The following MRPS15 variants were observed in gnomAD, a reference collection of about 807,000 sequenced individuals.
MRPS15 encodes mitochondrial ribosomal protein S15.
In MRPS15, 25 loss-of-function variants were observed where a neutral mutation model predicts 30.7. The observed-to-expected ratio is 0.81, with a 90% CI of 0.59 to 1.14. MRPS15 has a LOEUF of 1.14. MRPS15 is among the 50% of genes most tolerant of loss of function. MRPS15 has a pLI of 0.00. For missense variants in MRPS15, 313 were observed against 321.7 expected, an observed-to-expected ratio of 0.97 and a Z score of 0.21; for synonymous variants, 124 against 120.1, an observed-to-expected ratio of 1.03 and a Z score of -0.21.
chr1:36,457,903 G>A lies in MRPS15; in HGVS notation c.444+20C>T. ...CCCCAGGCTGCTGCTGTTTAACTGTGAATGACGTCCAGAGTTTACCTTTCG... is the reference window on the plus strand; with the variant it reads ...CCCCAGGCTGCTGCTGTTTAACTGTAAATGACGTCCAGAGTTTACCTTTCG... On this transcript the variant is annotated intron_variant, in intron 6 of 7. Transcript: ENST00000373116. The A allele has an allele frequency of 6.2e-7, 1 of 1,613,110 alleles. No individual in the cohort carries two copies. The highest frequency in any genetic ancestry group is 2.2e-5 in the East Asian group (1 of 44,876).
intron 2 of MRPS15, among the ~76,000 whole-genome samples, chr1:36,463,177 G>A (rs1340817748): frequency 2.0e-5 from 3 of 152,196 alleles, no homozygotes; most frequent in Non-Finnish European, 4.4e-5. Context: ...ATGTTGGCCA[G>A]GCTGGTCTCG....
At position 36,464,244 on chromosome 1, in the gene MRPS15, A is replaced by C. The variant is rs771240458; in HGVS notation, c.32T>G (p.Leu11Trp). MLRVAWRTLS[L>W]IRTRAVTQVL... ...CTGGGTAACTGCCCGGGTCCGAATC[A>C]AACTCAGCGTCCTCCACGCGACCCT... The change falls in exon 1 of 8, where the codon TTG becomes TGG. Residue 11 changes from leucine to tryptophan, a missense_variant. Leu to Trp is a moderately conservative substitution (Grantham distance 61). Transcript: ENST00000373116. 3 of 1,613,930 alleles carry C rather than the reference A, an allele frequency of 1.9e-6. No homozygotes were observed. Among genetic ancestry groups the C allele is most frequent in the Non-Finnish European group, 2.5e-6 (3 of 1,179,930 alleles).
At chr1:36,456,530 C>G (rs762163687) in intron 6 of MRPS15, 152 bp from the exon 7 acceptor site, 7 of 744,330 alleles carry the variant, frequency 9.4e-6, no homozygotes, top group Non-Finnish European at 1.4e-5. Flanking sequence ...CATTGTTATT[C>G]CCATTTTACA....
Position 36,464,177 on chromosome 1 carries a change from A to C in MRPS15, c.99T>G (p.Phe33Leu). Residue 33 changes from phenylalanine to leucine, a missense_variant, in exon 1 of 8, where the codon TTT becomes TTG. Physicochemically the swap from Phe to Leu is conservative, Grantham distance 22 (BLOSUM62 0). Transcript: ENST00000373116. ...PGLPGGGSAK[F>L]PFNQWGLQPR... Reference sequence around the variant, plus strand: ...GCTGCAGGCCCCACTGGTTGAAAGGAAACTTGGCGCTCCCACCGCCCGGCA... The same window carrying C: ...GCTGCAGGCCCCACTGGTTGAAAGGCAACTTGGCGCTCCCACCGCCCGGCA... The C allele has an allele frequency of 6.2e-7, 1 of 1,613,910 alleles. No individual in the cohort carries two copies. The highest frequency in any genetic ancestry group is 8.5e-7 in the Non-Finnish European group (1 of 1,179,974).
At position 36,456,184 on chromosome 1, in the gene MRPS15, T is replaced by A. The variant is rs376900770; in HGVS notation, c.636+3A>T. 6.1e-5 allele frequency: 98 copies of A among 1,601,714 alleles called. No individual in the cohort carries two copies. Among genetic ancestry groups the A allele is most frequent in the Non-Finnish European group, 7.2e-5 (84 of 1,172,944 alleles). On this transcript the variant is annotated splice_donor_region_variant and intron_variant, in intron 7 of 7. Transcript: ENST00000373116. The stretch of plus-strand genomic sequence containing the variant: ...CAAGCAAAGCCGCAATTCTGACTCG[T>A]ACCCGAATGCACAGAGCCTTCTTGG...
chr1:36,457,916 A>G lies in MRPS15; in HGVS notation c.444+7T>C. 1 of 1,613,952 alleles carries G rather than the reference A, an allele frequency of 6.2e-7. No individual in the cohort carries two copies. Among genetic ancestry groups the G allele is most frequent in the Non-Finnish European group, 8.5e-7 (1 of 1,179,846 alleles). On this transcript the variant is annotated splice_region_variant and intron_variant, in intron 6 of 7. Transcript: ENST00000373116. ...CTGTTTAACTGTGAATGACGTCCAGAGTTTACCTTTCGATGTTTCTCCAAG... is the reference window on the plus strand; with the variant it reads ...CTGTTTAACTGTGAATGACGTCCAGGGTTTACCTTTCGATGTTTCTCCAAG...
chr1:36,457,772 T>C (rs1650021727), intron 6 of MRPS15, 151 bp downstream of exon 6: 2 of 688,022 alleles, frequency 2.9e-6, no homozygotes, highest in African/African-American at 1.8e-5. Context: ...ACACTCAGCA[T>C]GGCCTTGTAA....
rs1268035374 is a variant in MRPS15 at position 36,457,286 on chromosome 1, A to AT, written c.444+636_444+637insA. On this transcript the variant is annotated intron_variant, in intron 6 of 7. Transcript: ENST00000373116. Reference sequence around the variant, plus strand: ...GCAAGGCTCCATCTCAAAAAAAAAAAAAAAATATATATATATATGGGTCTT... The same window carrying AT: ...GCAAGGCTCCATCTCAAAAAAAAAAATAAAAATATATATATATATGGGTCTT... 1.5e-3 allele frequency among the ~76,000 whole-genome samples: 219 copies of AT among 150,574 alleles called. 1 individual carries two copies. The highest frequency in any genetic ancestry group is 1.9e-3 in the Non-Finnish European group (128 of 67,640).
chr1:36,463,972 C>T (rs1231902290), intron 1 of MRPS15, 122 bp from the exon 2 acceptor site: 2 of 1,498,774 alleles, frequency 1.3e-6, no homozygotes, highest in Non-Finnish European at 1.8e-6. Context: ...AACCGCTGCC[C>T]CATTTCTTCC....
intron 5 of MRPS15, chr1:36,459,329 G>C (rs1570569376): frequency 6.7e-6 from 1 of 149,644 alleles, no homozygotes; most frequent in East Asian, 2.0e-4. Flanking sequence ...CAGAAGTTGC[G>C]CTGTAGTGAG....
chr1:36,463,721 T>TA, intron 2 of MRPS15, 85 bp downstream of exon 2: 1 of 1,497,878 alleles, frequency 6.7e-7, no homozygotes, highest in East Asian at 2.3e-5. Context: ...CTAGTGGCTC[T>TA]AATTCGCCAC....
chr1:36,463,769 T>C, intron 2 of MRPS15, 37 bp downstream of exon 2: 1 of 1,597,162 alleles, frequency 6.3e-7, no homozygotes, highest in Non-Finnish European at 8.5e-7. Flanking sequence ...CCAGGAGGTC[T>C]CTCTTCCGCC....
At chr1:36,460,664 C>A in intron 5 of MRPS15, 28 bp downstream of exon 5, 1 of 1,581,696 alleles carries the variant, frequency 6.3e-7, no homozygotes, top group East Asian at 2.2e-5. Context: ...TTCCCTACAC[C>A]CCCACTCCCC....
intron 2 of MRPS15, among the ~76,000 whole-genome samples, chr1:36,462,916 C>T (rs534019057): frequency 3.9e-5 from 6 of 152,294 alleles, no homozygotes; most frequent in Non-Finnish European, 7.4e-5. Flanking sequence ...AAGTGATCCT[C>T]CAGCCTTGGC....
chr1:36,461,298 A>T lies in MRPS15; in HGVS notation c.266T>A (p.Val89Glu), dbSNP rs1255433001. ...CATTTCCAAAGACAAGAGTCTTTTC[A>T]CGACATCATCAACCCTGTGGATAAA... ...VPGIEKVDDVVKRLLSLEMAN... is the reference protein window; with the variant it reads ...VPGIEKVDDVEKRLLSLEMAN... The change falls in exon 4 of 8, where the codon GTG becomes GAG. Residue 89 changes from valine (V) to glutamate (E), a missense_variant. Val to Glu is a moderately radical substitution (Grantham distance 121). Transcript: ENST00000373116. 11 of 1,614,116 alleles carry T rather than the reference A, an allele frequency of 6.8e-6. No individual in the cohort carries two copies. The highest frequency in any genetic ancestry group is 9.3e-6 in the Non-Finnish European group (11 of 1,180,052).
chr1:36,455,847 G>A lies in MRPS15; in HGVS notation c.715C>T (p.Arg239Trp), dbSNP rs879056266. The A allele has an allele frequency of 8.1e-6, 13 of 1,614,016 alleles. No homozygotes were observed. The highest frequency in any genetic ancestry group is 1.0e-5 in the Non-Finnish European group (12 of 1,180,020). ...TTGGCAGGGCTGTCTGGGTTCCTCC[G>A]CTTTGCTTGTTTTTGGGCTGCTGCT... ...AAAAAQKQAK[R>W]RNPDSPAKAI... Residue 239 changes from arginine to tryptophan, a missense_variant, in exon 8 of 8, where the codon CGG becomes TGG. Physicochemically the swap from Arg to Trp is moderately radical, Grantham distance 101. Transcript: ENST00000373116.
chr1:36,459,928 C>G (rs777952680), intron 5 of MRPS15, among the ~76,000 whole-genome samples: 2 of 152,214 alleles, frequency 1.3e-5, no homozygotes, highest in East Asian at 3.8e-4. Context: ...ACTGCCAGTT[C>G]TAGCCTGAAC....
At chr1:36,463,325 G>T (rs956506801) in intron 2 of MRPS15, among the ~76,000 whole-genome samples, 17 of 152,210 alleles carry the variant, frequency 1.1e-4, no homozygotes, top group Non-Finnish European at 7.3e-5. Flanking sequence ...AGCGTTAAGG[G>T]TGCTTTTCGT....
rs1409707193 is a variant in MRPS15, at chr1:36,461,292, CTT to C, written c.270_271del (p.Arg91ThrfsTer49). The C allele has an allele frequency of 3.1e-6, 5 of 1,614,192 alleles. No homozygotes were observed. The highest frequency in any genetic ancestry group is 3.3e-4 in the Middle Eastern group (2 of 6,062). On this transcript the variant is annotated frameshift_variant, in exon 4 of 8. Coordinates refer to ENST00000373116, the MANE Select transcript of MRPS15 (RefSeq NM_031280.4). LOFTEE classifies it high-confidence loss of function. The stretch of plus-strand genomic sequence containing the variant: ...GTTGGCCATTTCCAAAGACAAGAGT[CTT>C]TTCACGACATCATCAACCCTGTGGA...
Sources: gnomAD v4.1 joint callset for allele counts (sites outside exome capture counted in the v4.1 genomes callset) on GRCh38, gnomAD v4.1.1 for gene constraint, MANE v1.5 for transcripts, NCBI Gene and HGNC (gene_info 2026-07-23, HGNC 2026-07-21) for gene names.